Variants in PITPNC1 observed in about 807,000 individuals in gnomAD.
The protein encoded by PITPNC1 is phosphatidylinositol transfer protein cytoplasmic 1.
In PITPNC1, 18 loss-of-function variants were observed where a neutral mutation model predicts 44.7. That is an observed-to-expected ratio of 0.40 (90% confidence interval 0.28 to 0.60). The LOEUF (loss-of-function observed/expected upper bound fraction) is 0.60. Among genes scored for constraint, PITPNC1 ranks in the 20% least tolerant of loss-of-function variants. The pLI, the probability that PITPNC1 is intolerant of heterozygous loss-of-function variation, is 0.39. For missense variants in PITPNC1, 290 were observed against 418.4 expected (o/e 0.69, Z 2.68); for synonymous variants, 141 against 149.6 (o/e 0.94, Z 0.42).
intron 6 of PITPNC1, among the ~76,000 whole-genome samples, chr17:67,643,944 T>C (rs1032281954): frequency 2.6e-5 from 4 of 152,148 alleles, no homozygotes; most frequent in Admixed American, 2.0e-4. Flanking sequence ...TGCGTGTCGC[T>C]TTTCCCTTGT....
intron 4 of PITPNC1, among the ~76,000 whole-genome samples, chr17:67,569,036 C>T (rs970469496): frequency 6.6e-6 from 1 of 152,022 alleles, no homozygotes; most frequent in Non-Finnish European, 1.5e-5. Flanking sequence ...TAGAGAGCCT[C>T]AGACCCATCC....
At chr17:67,617,514 A>G (rs1186449907) in intron 5 of PITPNC1, among the ~76,000 whole-genome samples, 2 of 152,182 alleles carry the variant, frequency 1.3e-5, no homozygotes, top group Non-Finnish European at 2.9e-5. Context: ...AAAACAAACA[A>G]ACAAAATTAA....
At chr17:67,380,246 T>C (rs1266553269) in intron 1 of PITPNC1, among the ~76,000 whole-genome samples, 5 of 152,140 alleles carry the variant, frequency 3.3e-5, no homozygotes, top group Non-Finnish European at 7.4e-5. Context: ...GGCTAATTTT[T>C]GTATTTTTAG....
intron 1 of PITPNC1, among the ~76,000 whole-genome samples, chr17:67,521,827 T>C (rs2040329010): frequency 6.6e-6 from 1 of 152,164 alleles, no homozygotes; most frequent in Admixed American, 6.5e-5. Flanking sequence ...GAATGTGATG[T>C]TCATGTGACA....
intron 8 of PITPNC1, among the ~76,000 whole-genome samples, chr17:67,684,558 T>C (rs1051003636): frequency 1.3e-5 from 2 of 152,202 alleles, no homozygotes; most frequent in Non-Finnish European, 2.9e-5. Context: ...ATAATCACTG[T>C]TAACATTTTG....
chr17:67,510,941 G>A (rs2040177114), intron 1 of PITPNC1, among the ~76,000 whole-genome samples: 1 of 151,944 alleles, frequency 6.6e-6, no homozygotes, highest in Admixed American at 6.6e-5. Context: ...AAAAGTACAT[G>A]TTCCTTATAA....
intron 1 of PITPNC1, among the ~76,000 whole-genome samples, chr17:67,517,834 G>A (rs1482318858): frequency 1.3e-5 from 2 of 152,180 alleles, no homozygotes; most frequent in Non-Finnish European, 2.9e-5. Flanking sequence ...TAGCGGTGAT[G>A]ATTTCACAAC....
At chr17:67,519,973 G>A (rs755614882) in intron 1 of PITPNC1, among the ~76,000 whole-genome samples, 13 of 152,156 alleles carry the variant, frequency 8.5e-5, no homozygotes, top group Non-Finnish European at 1.6e-4. Flanking sequence ...AAGAACTCCC[G>A]CTGTTCAATT....
At chr17:67,487,023 ACT>A (rs1272335403) in intron 1 of PITPNC1, among the ~76,000 whole-genome samples, 2 of 151,586 alleles carry the variant, frequency 1.3e-5, no homozygotes, top group Non-Finnish European at 2.9e-5. Flanking sequence ...ACAGAGCAAG[ACT>A]CTGTCTAAAA....
chr17:67,533,782 T>C (rs73994845), intron 2 of PITPNC1, among the ~76,000 whole-genome samples: 5,700 of 152,344 alleles, frequency 0.037, 134 homozygotes, highest in African/African-American at 0.059. Flanking sequence ...ACTCTCCTTT[T>C]GGAAGGGAAA....
chr17:67,690,269 G>A (rs2042895777), intron 8 of PITPNC1, among the ~76,000 whole-genome samples: 1 of 152,046 alleles, frequency 6.6e-6, no homozygotes, highest in South Asian at 2.1e-4. Flanking sequence ...CCAACATGGT[G>A]AAACCCCATC....
At chr17:67,401,423 G>C (rs528964401) in intron 1 of PITPNC1, among the ~76,000 whole-genome samples, 1 of 152,142 alleles carries the variant, frequency 6.6e-6, no homozygotes, top group African/African-American at 2.4e-5. Context: ...TTTCCACTTT[G>C]ATTTGTTGGA....
chr17:67,465,908 G>T (rs887545359), intron 1 of PITPNC1, among the ~76,000 whole-genome samples: 1 of 151,850 alleles, frequency 6.6e-6, no homozygotes, highest in African/African-American at 2.4e-5. Context: ...GTAGGGCGGG[G>T]GTAAATCTAA....
chr17:67,468,703 G>C (rs766371714), intron 1 of PITPNC1, among the ~76,000 whole-genome samples: 1 of 143,858 alleles, frequency 7.0e-6, no homozygotes, highest in East Asian at 2.1e-4. Flanking sequence ...GTGCCTGGCC[G>C]CTTTTTTTTT....
chr17:67,450,026 G>T (rs546114881), intron 1 of PITPNC1, among the ~76,000 whole-genome samples: 2 of 152,106 alleles, frequency 1.3e-5, no homozygotes, highest in Non-Finnish European at 2.9e-5. Flanking sequence ...TGTCTGTCTG[G>T]CAATGAGATA....
chr17:67,624,598 A>C (rs1355187639), intron 5 of PITPNC1, among the ~76,000 whole-genome samples: 1 of 151,994 alleles, frequency 6.6e-6, no homozygotes, highest in Non-Finnish European at 1.5e-5. Context: ...ATCTTGGCTC[A>C]GTGCAACCTC....
intron 5 of PITPNC1, among the ~76,000 whole-genome samples, chr17:67,606,233 G>T (rs770192723): frequency 8.5e-5 from 13 of 152,150 alleles, no homozygotes; most frequent in Non-Finnish European, 1.6e-4. Context: ...ATGAAAAATG[G>T]GACTGAAAGA....
intron 1 of PITPNC1, among the ~76,000 whole-genome samples, chr17:67,528,282 TCC>T (rs1244232220): frequency 6.6e-6 from 1 of 152,244 alleles, no homozygotes; most frequent in African/African-American, 2.4e-5. Flanking sequence ...CCTCAGGTGA[TCC>T]GCCTGCCTCG....
Position 67,550,563 on chromosome 17 carries a change from A to G in PITPNC1, c.198-1694A>G, listed in dbSNP as rs528255130. 5.3e-5 allele frequency among the ~76,000 whole-genome samples: 8 copies of G among 151,952 alleles called. No homozygotes were observed. The East Asian group carries it at 1.5e-3, about 29-fold the overall frequency. On this transcript the variant is annotated intron_variant, in intron 2 of 8. Coordinates refer to ENST00000581322, the MANE Select transcript of PITPNC1 (RefSeq NM_012417.4). ...ATGTCCCTTCCAGCCTCCTGGTTCT[A>G]TCAGCTTGGAATTCAAAACCGCTTC... is the stretch of plus-strand genomic sequence containing the variant.
Sources: gnomAD v4.1 joint callset for allele counts (sites outside exome capture counted in the v4.1 genomes callset) on GRCh38, gnomAD v4.1.1 for gene constraint, MANE v1.5 for transcripts, NCBI Gene and HGNC (gene_info 2026-07-23, HGNC 2026-07-21) for gene names.